Variants in FAF2 observed in about 807,000 individuals in gnomAD.
FAF2 encodes FAS-associated factor 2.
FAF2 carries 9 observed loss-of-function variants against 62.3 expected under a neutral mutation model. The observed-to-expected ratio is 0.14, with a 90% CI of 0.09 to 0.25. The LOEUF is 0.25. FAF2 is among the 10% of genes least tolerant of loss of function. FAF2 has a pLI of 1.00. For synonymous variants in FAF2, 202 were observed against 198.0 expected (o/e 1.02, Z -0.17); for missense variants, 368 against 556.2 (o/e 0.66, Z 3.40).
At chr5:176,454,550 C>T (rs1486608727) in intron 1 of FAF2, among the ~76,000 whole-genome samples, 1 of 137,092 alleles carries the variant, frequency 7.3e-6, no homozygotes, top group South Asian at 2.3e-4. Context: ...TGCACTCTAA[C>T]CTGGGCAACA....
rs758524390 is a variant in FAF2 at position 176,494,083 on chromosome 5, C to T, written c.568C>T (p.Arg190Cys). ...TCACCAGGACTCTGATGAGTTTTGT[C>T]GGTAAGTGGATTGATTATTTTCCTT... ...DDHQDSDEFCRNTLCAPEVIS... is the reference protein window; with the variant it reads ...DDHQDSDEFCCNTLCAPEVIS... Residue 190 changes from arginine (R) to cysteine (C), a missense_variant and splice_region_variant, in exon 6 of 11, where the codon CGC (arginine) becomes TGC (cysteine). Around this residue, in one of 2 missense-constraint regions of FAF2, gnomAD observed 331 missense variants for 441.9 expected, o/e 0.75. Coordinates refer to ENST00000261942, the MANE Select transcript of FAF2 (RefSeq NM_014613.3). The surrounding 1 kb of genome is among the most constrained non-coding windows in gnomAD (Gnocchi z 4.0). The T allele has an allele frequency of 7.4e-5, 119 of 1,613,420 alleles. No individual in the cohort carries two copies. The highest frequency in any genetic ancestry group is 7.4e-4 in the South Asian group (67 of 91,060).
intron 7 of FAF2, among the ~76,000 whole-genome samples, chr5:176,495,624 G>A (rs144890255): frequency 0.016 from 2,397 of 151,176 alleles, 62 homozygotes; most frequent in African/African-American, 0.055. Flanking sequence ...CGATTCTCCT[G>A]CCTCAGCCTC....
chr5:176,470,598 A>C (rs1315425578), intron 1 of FAF2, among the ~76,000 whole-genome samples: 9 of 152,250 alleles, frequency 5.9e-5, no homozygotes, highest in Non-Finnish European at 1.0e-4. Context: ...AAATGAATAA[A>C]TAAACTTTAC....
intron 1 of FAF2, among the ~76,000 whole-genome samples, chr5:176,472,093 G>T (rs1354775390): frequency 6.6e-6 from 1 of 152,064 alleles, no homozygotes; most frequent in Non-Finnish European, 1.5e-5. Context: ...TTGGATTGGA[G>T]GGTCCAGACA....
intron 3 of FAF2, among the ~76,000 whole-genome samples, chr5:176,488,257 C>T (rs956362626): frequency 1.1e-4 from 17 of 152,090 alleles, no homozygotes; most frequent in South Asian, 4.1e-4. Context: ...GGATTACAGG[C>T]GTGAGCCACC....
At chr5:176,468,715 C>G (rs1453453778) in intron 1 of FAF2, among the ~76,000 whole-genome samples, 2 of 151,866 alleles carry the variant, frequency 1.3e-5, no homozygotes, top group African/African-American at 4.8e-5. Context: ...GGAGGATCAC[C>G]TGAGGCAAGG....
intron 2 of FAF2, among the ~76,000 whole-genome samples, chr5:176,485,223 C>G (rs992629730): frequency 2.0e-5 from 3 of 152,288 alleles, no homozygotes; most frequent in Admixed American, 1.3e-4. Context: ...TACTGTATTG[C>G]CAACCAGGGA....
At chr5:176,491,055 A>C (rs938628491) in intron 4 of FAF2, among the ~76,000 whole-genome samples, 1 of 152,176 alleles carries the variant, frequency 6.6e-6, no homozygotes, top group African/African-American at 2.4e-5. Flanking sequence ...ACACAGGGGG[A>C]ATTTGTTGGG....
In FAF2 at chr5:176,508,985, CTCT is replaced by C. The variant is rs1240169925; in HGVS notation, c.*2040_*2042del. On this transcript the variant is annotated 3_prime_UTR_variant, in exon 11 of 11. Coordinates refer to ENST00000261942, the MANE Select transcript of FAF2 (RefSeq NM_014613.3). ...TTTTTTTTTTCCATCATAATTCAGT[CTCT>C]TCTTATTCTACAGTGTGCACTTTAT... 3 of 152,098 alleles carry C rather than the reference CTCT, an allele frequency of 2.0e-5. No individual in the cohort carries two copies. Among genetic ancestry groups the C allele is most frequent in the Non-Finnish European group, 4.4e-5 (3 of 68,038 alleles). The allele number at this position is 152,098 out of a possible 1,614,324, so 9.4% of individuals were successfully genotyped here.
intron 5 of FAF2, among the ~76,000 whole-genome samples, chr5:176,493,439 A>G (rs1759009737): frequency 6.6e-6 from 1 of 152,218 alleles, no homozygotes; most frequent in Admixed American, 6.5e-5. Flanking sequence ...GAGCACGCAC[A>G]TGCAGGAGCA....
chr5:176,506,571 T>G (rs936294529), intron 10 of FAF2, among the ~76,000 whole-genome samples, 197 bp from the exon 11 acceptor site: 1 of 152,218 alleles, frequency 6.6e-6, no homozygotes. Context: ...GTAATTTCTT[T>G]TAAAAGGGCT....
intron 1 of FAF2, among the ~76,000 whole-genome samples, chr5:176,454,199 C>T (rs910255164): frequency 2.0e-5 from 3 of 151,610 alleles, no homozygotes; most frequent in African/African-American, 7.3e-5. Flanking sequence ...TCGAGACCAG[C>T]CTGACAAACA....
intron 10 of FAF2, among the ~76,000 whole-genome samples, chr5:176,504,345 G>A (rs1432127793): frequency 6.6e-6 from 1 of 151,250 alleles, no homozygotes; most frequent in African/African-American, 2.4e-5. Context: ...GCCTACTTTG[G>A]GAGGCCAAGG....
At chr5:176,460,105 TACC>T (rs2113718675) in intron 1 of FAF2, among the ~76,000 whole-genome samples, 1 of 152,342 alleles carries the variant, frequency 6.6e-6, no homozygotes, top group Admixed American at 6.5e-5. Context: ...AGTGTATATG[TACC>T]ACATTTTCTT....
At position 176,494,350 on chromosome 5, in the gene FAF2, A is replaced by T. The variant is rs78205038; in HGVS notation, c.661+75A>T. On this transcript the variant is annotated intron_variant, in intron 7 of 10. Transcript: ENST00000261942. The surrounding 1 kb of genome is among the most constrained non-coding windows in gnomAD (Gnocchi z 4.0). Reference sequence around the variant, plus strand: ...ATAGTCTGGAAAGACATGCCATGCCATTTATTACAAGTGTGTTTGTTCTGT... The same window carrying T: ...ATAGTCTGGAAAGACATGCCATGCCTTTTATTACAAGTGTGTTTGTTCTGT... 1.2e-5 allele frequency: 15 copies of T among 1,213,222 alleles called. No homozygotes were observed. Among genetic ancestry groups the T allele is most frequent in the Non-Finnish European group, 1.7e-5 (14 of 816,936 alleles). 75.2% of individuals were successfully genotyped at this position (1,213,222 alleles called of 1,614,324 possible).
Position 176,489,037 on chromosome 5 carries a change from T to A in FAF2, c.344+10T>A. ...TACTTGATATATTTAGGTATGTACC[T>A]TTGGATTTATGTATTAGTAGAATAG... On this transcript the variant is annotated intron_variant, in intron 4 of 10. Transcript: ENST00000261942. 6.2e-7 allele frequency: 1 copy of A among 1,603,732 alleles called. No individual in the cohort carries two copies. The highest frequency in any genetic ancestry group is 8.5e-7 in the Non-Finnish European group (1 of 1,171,812).
chr5:176,481,237 G>C (rs1234124586), intron 2 of FAF2, among the ~76,000 whole-genome samples: 1 of 151,958 alleles, frequency 6.6e-6, no homozygotes, highest in African/African-American at 2.4e-5. Flanking sequence ...TAGTAGAGAC[G>C]AGGTTTCACC....
At chr5:176,476,849 A>G (rs1379829748) in intron 1 of FAF2, among the ~76,000 whole-genome samples, 4 of 125,704 alleles carry the variant, frequency 3.2e-5, no homozygotes, top group East Asian at 2.2e-4. Context: ...TTCCTCTGTC[A>G]CCCAGGCTGG....
At chr5:176,452,121 G>A (rs969612242) in intron 1 of FAF2, among the ~76,000 whole-genome samples, 5 of 150,782 alleles carry the variant, frequency 3.3e-5, no homozygotes, top group Non-Finnish European at 5.9e-5. Flanking sequence ...GCAGTGGTGC[G>A]ATCTCGGCTC....
Sources: allele counts gnomAD v4.1 joint callset (sites outside exome capture counted in the v4.1 genomes callset), GRCh38; gene constraint gnomAD v4.1.1; regional missense constraint gnomAD v4.1.1; non-coding constraint Gnocchi (gnomAD v3.1); transcripts MANE v1.5; gene names NCBI Gene and HGNC (gene_info 2026-07-23, HGNC 2026-07-21).